The following ANKRD28 variants were observed in gnomAD, a reference collection of about 807,000 sequenced individuals.
ANKRD28 encodes the protein ankyrin repeat domain 28.
Under a neutral mutation model 126.5 loss-of-function variants are expected in ANKRD28, and 44 were observed. That is an observed-to-expected ratio of 0.35 (90% CI 0.27 to 0.45). ANKRD28 has a LOEUF of 0.45. ANKRD28 is among the 20% of genes least tolerant of loss of function. The pLI is 1.00. For missense variants in ANKRD28, 1,110 were observed against 1,316.6 expected, an observed-to-expected ratio of 0.84 and a Z score of 2.43; for synonymous variants, 442 against 468.5, an observed-to-expected ratio of 0.94 and a Z score of 0.73.
intron 2 of ANKRD28, among the ~76,000 whole-genome samples, chr3:15,770,008 A>G (rs937937286): frequency 1.3e-5 from 2 of 151,954 alleles, no homozygotes; most frequent in African/African-American, 4.8e-5. Flanking sequence ...AGTGGACTCC[A>G]CATCCATTGA....
intron 1 of ANKRD28, among the ~76,000 whole-genome samples, chr3:15,813,086 T>C (rs2060754652): frequency 6.6e-6 from 1 of 150,438 alleles, no homozygotes; most frequent in African/African-American, 2.5e-5. Context: ...TTAAAAAGTT[T>C]AATACAATGG....
intron 14 of ANKRD28, among the ~76,000 whole-genome samples, chr3:15,699,479 T>C (rs1221657297): frequency 6.6e-6 from 1 of 152,138 alleles, no homozygotes; most frequent in South Asian, 2.1e-4. Flanking sequence ...GAGAAAATTT[T>C]TGCAATCTAC....
At chr3:15,675,276 C>G (rs1394045191) in intron 27 of ANKRD28, among the ~76,000 whole-genome samples, 2 of 151,796 alleles carry the variant, frequency 1.3e-5, no homozygotes, top group Non-Finnish European at 2.9e-5. Context: ...GTCTCAAAAA[C>G]AAACAACAAC....
chr3:15,775,984 GCCC>G (rs2059246670), intron 2 of ANKRD28, among the ~76,000 whole-genome samples: 1 of 152,116 alleles, frequency 6.6e-6, no homozygotes, highest in Non-Finnish European at 1.5e-5. Flanking sequence ...CAGGTGACAA[GCCC>G]TCATCTTTAA....
In ANKRD28 at chr3:15,839,876, A is replaced by G. The variant is rs755292502; in HGVS notation, c.27+19501T>C. ...TCCCTTCATAATAAAAACTCTCACAAAACTAGATACAGAAGAAACATACCT... is the reference window on the plus strand; with the variant it reads ...TCCCTTCATAATAAAAACTCTCACAGAACTAGATACAGAAGAAACATACCT... On this transcript the variant is annotated intron_variant, in intron 1 of 27. Transcript: ENST00000399451. This position sits in a 1 kb window ranked among gnomAD's most constrained non-coding sequence, Gnocchi z 4.3. Among the ~76,000 whole-genome samples, 3 of 152,178 alleles carry G rather than the reference A, an allele frequency of 2.0e-5. No individual in the cohort carries two copies. The highest frequency in any genetic ancestry group is 2.9e-5 in the Non-Finnish European group (2 of 68,040).
intron 2 of ANKRD28, among the ~76,000 whole-genome samples, chr3:15,779,046 T>A (rs901204463): frequency 3.3e-5 from 5 of 152,106 alleles, no homozygotes; most frequent in Non-Finnish European, 7.4e-5. Context: ...GAACTGTGAG[T>A]CAATTAAACC....
intron 14 of ANKRD28, among the ~76,000 whole-genome samples, chr3:15,700,232 G>C (rs1167107228): frequency 6.6e-6 from 1 of 152,138 alleles, no homozygotes; most frequent in Non-Finnish European, 1.5e-5. Flanking sequence ...TCACTCTTAA[G>C]TGGAAGTTGA....
chr3:15,743,741 G>A (rs1253028604), intron 4 of ANKRD28, among the ~76,000 whole-genome samples: 2 of 152,224 alleles, frequency 1.3e-5, no homozygotes, highest in African/African-American at 4.8e-5. Context: ...GAGATAGCCA[G>A]CTAGTAGGAG....
At chr3:15,850,218 T>TATAC (rs1195392406) in intron 1 of ANKRD28, among the ~76,000 whole-genome samples, 1 of 56,338 alleles carries the variant, frequency 1.8e-5, no homozygotes, top group African/African-American at 5.2e-5. Context: ...TATATATATA[T>TATAC]ATATATAGAG....
chr3:15,719,456 G>T (rs2073453988), intron 8 of ANKRD28, among the ~76,000 whole-genome samples: 2 of 152,122 alleles, frequency 1.3e-5, no homozygotes, highest in South Asian at 2.1e-4. Context: ...AACAACTAAC[G>T]AATTCTAAAA....
At chr3:15,696,066 C>T in intron 15 of ANKRD28, 68 bp downstream of exon 15, 1 of 1,073,586 alleles carries the variant, frequency 9.3e-7, no homozygotes, top group East Asian at 2.6e-5. Flanking sequence ...TCCATTTATT[C>T]TCATTTTTGT....
chr3:15,813,582 A>C (rs1247702771), intron 1 of ANKRD28, among the ~76,000 whole-genome samples: 1 of 152,092 alleles, frequency 6.6e-6, no homozygotes, highest in African/African-American at 2.4e-5. Context: ...CTGGGCCATA[A>C]TTTTCTCCTT....
Position 15,756,535 on chromosome 3 carries a change from G to T in ANKRD28, c.281-4715C>A, listed in dbSNP as rs553788369. 2.3e-5 allele frequency: 23 copies of T among 984,970 alleles called. 1 individual carries two copies. The South Asian group carries it at 9.9e-4, about 42-fold the overall frequency. 61.0% of individuals were successfully genotyped at this position (984,970 alleles called of 1,614,324 possible). Reference sequence around the variant, plus strand: ...CAATGCAGCTGAAGAGAGGTCTAACGTTGTGAAGACACAGTCATGGGTTAG... The same window carrying T: ...CAATGCAGCTGAAGAGAGGTCTAACTTTGTGAAGACACAGTCATGGGTTAG... On this transcript the variant is annotated intron_variant, in intron 3 of 27. Transcript: ENST00000683139.
chr3:15,690,280 C>T (rs1415686719), intron 17 of ANKRD28, 60 bp from the exon 18 acceptor site: 3 of 1,339,126 alleles, frequency 2.2e-6, no homozygotes, highest in African/African-American at 2.9e-5. Context: ...TTCCTAAATA[C>T]TTGAATAAAT....
intron 21 of ANKRD28, chr3:15,683,996 T>G (rs1311552164): frequency 5.9e-5 from 9 of 152,206 alleles, no homozygotes; most frequent in Non-Finnish European, 1.2e-4. Flanking sequence ...GAGGGAAGGT[T>G]ATTAGAATTG....
At position 15,722,592 on chromosome 3, in the gene ANKRD28, T is replaced by C. The variant is rs1025098490; in HGVS notation, c.784-1465A>G. On this transcript the variant is annotated intron_variant, in intron 7 of 27. Transcript: ENST00000683139. Reference sequence around the variant, plus strand: ...TGGTTTTGAAAGCCCTCTAAACTTATAGTTGGTCATAAGTAAAGGGTGGCC... The same window carrying C: ...TGGTTTTGAAAGCCCTCTAAACTTACAGTTGGTCATAAGTAAAGGGTGGCC... Among the ~76,000 whole-genome samples the C allele has an allele frequency of 5.9e-5, 9 of 152,302 alleles. No homozygotes were observed. The South Asian group carries it at 8.3e-4, about 14-fold the overall frequency.
At chr3:15,683,311 T>C (rs897765213) in intron 21 of ANKRD28, among the ~76,000 whole-genome samples, 7 of 152,160 alleles carry the variant, frequency 4.6e-5, no homozygotes, top group Non-Finnish European at 8.8e-5. Context: ...ATATTTTGGG[T>C]TTTCCTTATA....
chr3:15,755,116 C>A (rs138546153), intron 3 of ANKRD28, among the ~76,000 whole-genome samples: 342 of 151,568 alleles, frequency 2.3e-3, no homozygotes, highest in African/African-American at 8.0e-3. Context: ...GCAACAAGAG[C>A]AAAACTCCGT....
At chr3:15,702,474 T>C (rs2070756599) in intron 14 of ANKRD28, among the ~76,000 whole-genome samples, 1 of 152,216 alleles carries the variant, frequency 6.6e-6, no homozygotes, top group South Asian at 2.1e-4. Context: ...ATAAAATATA[T>C]ACACAAAATC....
Sources: gnomAD v4.1 joint callset for allele counts (sites outside exome capture counted in the v4.1 genomes callset) on GRCh38, gnomAD v4.1.1 for gene constraint, Gnocchi (gnomAD v3.1) non-coding constraint, MANE v1.5 for transcripts, NCBI Gene and HGNC (gene_info 2026-07-23, HGNC 2026-07-21) for gene names.